The following GALNT17 variants were observed in gnomAD, a reference collection of about 807,000 sequenced individuals.
GALNT17 encodes polypeptide N-acetylgalactosaminyltransferase 17.
GALNT17 carries 29 observed loss-of-function variants against 63.7 expected under a neutral mutation model. That is an observed-to-expected ratio of 0.46 (90% CI 0.34 to 0.62). The LOEUF is 0.62. Among genes scored for constraint, GALNT17 ranks in the 20% least tolerant of loss-of-function variants. The pLI is 0.01. For synonymous variants in GALNT17, 305 were observed against 318.3 expected (o/e 0.96, Z 0.45); for missense variants, 603 against 799.6 (o/e 0.75, Z 2.97).
At chr7:71,530,820 G>A (rs1445221943) in intron 5 of GALNT17, among the ~76,000 whole-genome samples, 1 of 151,906 alleles carries the variant, frequency 6.6e-6, no homozygotes, top group Admixed American at 6.6e-5. Flanking sequence ...CGTCCGCCTC[G>A]GCCTCCCAAA....
At chr7:71,441,989 G>A (rs1299826712) in intron 5 of GALNT17, among the ~76,000 whole-genome samples, 1 of 151,914 alleles carries the variant, frequency 6.6e-6, no homozygotes, top group Non-Finnish European at 1.5e-5. Context: ...TAATCCTTTG[G>A]GTATATGCCC....
chr7:71,382,432 A>C (rs1353457512), intron 2 of GALNT17, among the ~76,000 whole-genome samples: 1 of 152,160 alleles, frequency 6.6e-6, no homozygotes, highest in Non-Finnish European at 1.5e-5. Context: ...CCAGGGCCTG[A>C]AAGTCTAAGA....
chr7:71,702,856 T>C (rs146230551), intron 9 of GALNT17, among the ~76,000 whole-genome samples: 26 of 152,262 alleles, frequency 1.7e-4, no homozygotes, highest in African/African-American at 5.8e-4. Context: ...TAAGCAACTG[T>C]AAGGATGGAG....
intron 1 of GALNT17, among the ~76,000 whole-genome samples, chr7:71,176,414 A>C (rs1788639863): frequency 6.6e-6 from 1 of 152,122 alleles, no homozygotes; most frequent in East Asian, 1.9e-4. Flanking sequence ...GGATGTGAGC[A>C]ATGAGAAAGA....
chr7:71,616,684 TATA>T (rs1256107014), intron 6 of GALNT17, among the ~76,000 whole-genome samples: 2 of 90,716 alleles, frequency 2.2e-5, no homozygotes, highest in African/African-American at 3.6e-5. Context: ...TATAATACAT[TATA>T]ATATATAATA....
rs10557937 is a variant in GALNT17, at chr7:71,551,772, AAGAG to A, written c.963-19500_963-19497del. On this transcript the variant is annotated intron_variant, in intron 5 of 10. Transcript: ENST00000333538. ...GACCCTGTCTCAAAAAAAAAAAAAA[AAGAG>A]AGAGAGAGAGAGCGGGAAAGCAAGA... Among the ~76,000 whole-genome samples, 635 of 111,080 alleles carry A rather than the reference AAGAG, an allele frequency of 5.7e-3. 18 individuals are homozygous for A. The highest frequency in any genetic ancestry group is 0.015 in the Middle Eastern group (3 of 202). The allele number at this position is 111,080 out of a possible 152,430, so 72.9% of individuals were successfully genotyped here.
Position 71,329,556 on chromosome 7 carries a change from G to T in GALNT17, c.239-5994G>T, listed in dbSNP as rs1791766321. Among the ~76,000 whole-genome samples, 3 of 152,006 alleles carry T rather than the reference G, an allele frequency of 2.0e-5. No homozygotes were observed. In the South Asian group the frequency reaches 6.2e-4, roughly 32 times the overall value. ...AGGTTTAATTCCCTCACTTCCGCAG[G>T]CTGTACAGGAAGCATGGTTTGGAGG... is the stretch of plus-strand genomic sequence containing the variant. On this transcript the variant is annotated intron_variant, in intron 1 of 10. Coordinates refer to ENST00000333538, the MANE Select transcript of GALNT17 (RefSeq NM_022479.3).
At chr7:71,191,384 C>G (rs1788949574) in intron 1 of GALNT17, among the ~76,000 whole-genome samples, 1 of 149,078 alleles carries the variant, frequency 6.7e-6, no homozygotes, top group Non-Finnish European at 1.5e-5. Flanking sequence ...CTCAAGAGGT[C>G]TGCAGTCTTT....
chr7:71,406,234 A>T (rs1436167154), intron 3 of GALNT17, among the ~76,000 whole-genome samples: 1 of 152,154 alleles, frequency 6.6e-6, no homozygotes, highest in Non-Finnish European at 1.5e-5. Flanking sequence ...AAAAATAGTG[A>T]TTGTCAGCAG....
chr7:71,249,811 C>T (rs1247879394), intron 1 of GALNT17, among the ~76,000 whole-genome samples: 2 of 152,334 alleles, frequency 1.3e-5, no homozygotes, highest in Admixed American at 6.5e-5. Context: ...ATACTCGCTT[C>T]GCGAAGCCAT....
At chr7:71,477,167 T>A (rs1787738429) in intron 5 of GALNT17, among the ~76,000 whole-genome samples, 1 of 152,230 alleles carries the variant, frequency 6.6e-6, no homozygotes, top group African/African-American at 2.4e-5. Context: ...ATCACCATCA[T>A]CATTCCCTTT....
intron 1 of GALNT17, among the ~76,000 whole-genome samples, chr7:71,187,662 T>A (rs893872014): frequency 6.6e-6 from 1 of 152,168 alleles, no homozygotes; most frequent in Non-Finnish European, 1.5e-5. Flanking sequence ...TGCACATAGG[T>A]TGCAGTTGTC....
At chr7:71,276,930 G>A (rs1219919664) in intron 1 of GALNT17, among the ~76,000 whole-genome samples, 5 of 152,218 alleles carry the variant, frequency 3.3e-5, no homozygotes, top group South Asian at 4.1e-4. Flanking sequence ...CCTGGCAGGC[G>A]GAGATTGCAG....
chr7:71,271,154 C>T (rs531217940), intron 1 of GALNT17, among the ~76,000 whole-genome samples: 3 of 152,308 alleles, frequency 2.0e-5, no homozygotes, highest in Admixed American at 6.5e-5. Flanking sequence ...CTGAGAATCA[C>T]GATCTGGTGC....
At chr7:71,485,829 TTTTC>T (rs1433766073) in intron 5 of GALNT17, among the ~76,000 whole-genome samples, 1 of 152,190 alleles carries the variant, frequency 6.6e-6, no homozygotes, top group African/African-American at 2.4e-5. Flanking sequence ...TGGATGAATA[TTTTC>T]TTTGTCAACC....
intron 5 of GALNT17, among the ~76,000 whole-genome samples, chr7:71,560,745 C>T (rs1202059150): frequency 1.3e-5 from 2 of 152,044 alleles, no homozygotes; most frequent in Non-Finnish European, 2.9e-5. Flanking sequence ...ACTAGGTGAC[C>T]ATATAGGGTT....
chr7:71,539,707 CTTTTTT>C (rs71089953), intron 5 of GALNT17, among the ~76,000 whole-genome samples: 29 of 71,442 alleles, frequency 4.1e-4, no homozygotes, highest in African/African-American at 5.8e-4. Context: ...TTAGTCCCAC[CTTTTTT>C]TTTTTTTTTT....
At chr7:71,180,189 G>T (rs1299751375) in intron 1 of GALNT17, among the ~76,000 whole-genome samples, 1 of 151,870 alleles carries the variant, frequency 6.6e-6, no homozygotes, top group East Asian at 1.9e-4. Context: ...GTAATGGTGT[G>T]ATCTCAGCTC....
intron 5 of GALNT17, among the ~76,000 whole-genome samples, chr7:71,473,026 A>G (rs1205428220): frequency 6.6e-6 from 1 of 152,226 alleles, no homozygotes; most frequent in Non-Finnish European, 1.5e-5. Flanking sequence ...GAATCAGTAC[A>G]TGGAAAGTAT....
Sources: gnomAD v4.1 joint callset for allele counts (sites outside exome capture counted in the v4.1 genomes callset) on GRCh38, gnomAD v4.1.1 for gene constraint, MANE v1.5 for transcripts, NCBI Gene and HGNC (gene_info 2026-07-23, HGNC 2026-07-21) for gene names.